Variants in CA6 observed in about 807,000 individuals in gnomAD.
The protein encoded by CA6 is carbonic anhydrase 6, also known as carbonate dehydratase VI.
A neutral mutation model predicts 35.9 loss-of-function variants in CA6; 28 were observed. The ratio of observed to expected loss-of-function variants is 0.78; its 90% confidence interval spans 0.58 to 1.07. CA6 has a LOEUF of 1.07. CA6 is among the 50% of genes least tolerant of loss of function. The pLI, the probability that CA6 is intolerant of heterozygous loss-of-function variation, is 0.00. For missense variants in CA6, 377 were observed against 382.0 expected (o/e 0.99, Z 0.11); for synonymous variants, 148 against 152.6 (o/e 0.97, Z 0.22).
intron 2 of CA6, chr1:8,951,711 CT>C (rs1217658516): frequency 7.9e-6 from 6 of 759,614 alleles, no homozygotes; most frequent in Non-Finnish European, 1.4e-5. Flanking sequence ...TAGGGCTCTG[CT>C]CAAATTTCTG....
In CA6 at chr1:8,973,766, TTC is replaced by T. The variant is rs1255268089; in HGVS notation, c.845-854_845-853del. On this transcript the variant is annotated intron_variant, in intron 7 of 7. Coordinates refer to ENST00000377443, the MANE Select transcript of CA6 (RefSeq NM_001215.4). ...TTTCTTTCTTTCTTTCTTTCTTTCT[TTC>T]TTTCTTTCTTTCTTTCTTTTCCCTC... 1.5e-3 allele frequency among the ~76,000 whole-genome samples: 32 copies of T among 21,616 alleles called. 1 individual carries two copies. Among genetic ancestry groups the T allele is most frequent in the Non-Finnish European group, 1.8e-3 (25 of 13,824 alleles). The allele number at this position is 21,616 out of a possible 152,430, so 14.2% of individuals were successfully genotyped here.
At chr1:8,962,330 C>A (rs891174875) in intron 4 of CA6, among the ~76,000 whole-genome samples, 2 of 152,036 alleles carry the variant, frequency 1.3e-5, no homozygotes, top group African/African-American at 2.4e-5. Context: ...AGGGCATCAC[C>A]AATGACTGAC....
At chr1:8,973,713 T>TCTTTCTTTCC (rs1491364705) in intron 7 of CA6, among the ~76,000 whole-genome samples, 3 of 8,214 alleles carry the variant, frequency 3.7e-4, no homozygotes, top group African/African-American at 1.7e-3. Flanking sequence ...TTTCTCTCTC[T>TCTTTCTTTCC]TTCTTTCTTT....
At chr1:8,965,695 C>T (rs541094134) in intron 5 of CA6, among the ~76,000 whole-genome samples, 8 of 152,158 alleles carry the variant, frequency 5.3e-5, no homozygotes, top group African/African-American at 1.9e-4. Context: ...TGAGATCAGC[C>T]TGGCCAACAT....
chr1:8,964,551 C>T (rs112750544), intron 5 of CA6, among the ~76,000 whole-genome samples: 4,053 of 141,464 alleles, frequency 0.029, 210 homozygotes, highest in African/African-American at 0.1. Flanking sequence ...CGGTCTGCAT[C>T]GTTGATGTCT....
At chr1:8,972,426 A>T (rs1463288238) in intron 7 of CA6, among the ~76,000 whole-genome samples, 1 of 152,160 alleles carries the variant, frequency 6.6e-6, no homozygotes, top group Non-Finnish European at 1.5e-5. Flanking sequence ...TAATCCCAGC[A>T]CTTTGGGAGG....
At position 8,957,252 on chromosome 1, in the gene CA6, G is replaced by A; in HGVS notation, c.375G>A (p.Glu125=). 1.2e-6 allele frequency: 2 copies of A among 1,614,072 alleles called. No individual in the cohort carries two copies. Among genetic ancestry groups the A allele is most frequent in the Non-Finnish European group, 1.7e-6 (2 of 1,179,968 alleles). The stretch of plus-strand genomic sequence containing the variant: ...CGTCCTCGGAGATCAGCGGCTCTGA[G>A]CACACCGTGGACGGGATCAGACATG... ...GGASSEISGS[E]HTVDGIRHVI... is the part of the protein sequence containing the mutation. The change falls in exon 3 of 8, where the codon GAG becomes GAA. Residue 125 remains glutamate (E), a synonymous_variant. Coordinates refer to ENST00000377443, the MANE Select transcript of CA6 (RefSeq NM_001215.4).
At position 8,957,263 on chromosome 1, in the gene CA6, A is replaced by T. The variant is rs775156579; in HGVS notation, c.386A>T (p.Asp129Val). The change falls in exon 3 of 8, where the codon GAC becomes GTC. Residue 129 changes from aspartate (D) to valine (V), a missense_variant. By Grantham distance (152) the Asp-to-Val change is radical (BLOSUM62 -3). Coordinates refer to ENST00000377443, the MANE Select transcript of CA6 (RefSeq NM_001215.4). The part of the protein sequence containing the change: ...SEISGSEHTV[D>V]GIRHVIEIHI... ...ATCAGCGGCTCTGAGCACACCGTGG[A>T]CGGGATCAGACATGTGATCGAGGTA... 2.5e-6 allele frequency: 4 copies of T among 1,613,486 alleles called. No homozygotes were observed. Among genetic ancestry groups the T allele is most frequent in the Non-Finnish European group, 3.4e-6 (4 of 1,179,684 alleles).
chr1:8,946,042 CTTTT>C, intron 1 of CA6, 77 bp downstream of exon 1: 12 of 676,062 alleles, frequency 1.8e-5, no homozygotes, highest in Non-Finnish European at 2.6e-5. Context: ...TCTTCTTCTT[CTTTT>C]TTTTTTTTTT....
intron 7 of CA6, among the ~76,000 whole-genome samples, chr1:8,973,784 C>CTTCTTTCT (rs1553164191): frequency 5.8e-5 from 3 of 52,054 alleles, no homozygotes; most frequent in African/African-American, 7.4e-5. Flanking sequence ...TTCTTTCTTT[C>CTTCTTTCT]TTTTCCCTCC....
intron 6 of CA6, among the ~76,000 whole-genome samples, chr1:8,970,356 G>A (rs917065477): frequency 1.3e-5 from 2 of 152,058 alleles, no homozygotes; most frequent in Admixed American, 6.6e-5. Context: ...GAGCTTGTGT[G>A]CAGATACCTG....
In CA6 at chr1:8,963,355, T is replaced by C. The variant is rs916934596; in HGVS notation, c.571+699T>C. Among the ~76,000 whole-genome samples the C allele has an allele frequency of 9.9e-5, 15 of 151,922 alleles. No individual in the cohort carries two copies. The highest frequency in any genetic ancestry group is 3.6e-4 in the African/African-American group (15 of 41,340). ...CCCAGCTTAGATTCCACCCCGATAC[T>C]CTCAAGTCTCCCTCAACACTCCCAT... On this transcript the variant is annotated intron_variant, in intron 5 of 7. Coordinates refer to ENST00000377443, the MANE Select transcript of CA6 (RefSeq NM_001215.4). This position sits in a 1 kb window ranked among gnomAD's most constrained non-coding sequence, Gnocchi z 4.1.
At chr1:8,968,194 A>G (rs112251181) in intron 6 of CA6, among the ~76,000 whole-genome samples, 8,749 of 151,998 alleles carry the variant, frequency 0.058, 533 homozygotes, top group African/African-American at 0.15. Flanking sequence ...TCAAACTCCC[A>G]GGTTCAAGCA....
intron 1 of CA6, among the ~76,000 whole-genome samples, chr1:8,947,829 T>G (rs545131608): frequency 4.2e-4 from 63 of 150,968 alleles, no homozygotes; most frequent in South Asian, 8.4e-4. Flanking sequence ...CAAAAAGCGG[T>G]GAGGGCCCTA....
chr1:8,960,789 C>T (rs1832261), intron 4 of CA6, among the ~76,000 whole-genome samples: 69,383 of 117,068 alleles, frequency 0.59, 21,615 homozygotes, highest in East Asian at 0.85. Flanking sequence ...CACACACACA[C>T]ATATATATAA....
At chr1:8,950,859 G>A (rs375971057) in intron 2 of CA6, among the ~76,000 whole-genome samples, 10 of 149,600 alleles carry the variant, frequency 6.7e-5, no homozygotes, top group African/African-American at 2.0e-4. Context: ...GAGCGAGACC[G>A]TTTCTTTAAA....
At position 8,970,838 on chromosome 1, in the gene CA6, C is replaced by T. The variant is rs535138129; in HGVS notation, c.730-29C>T. The T allele has an allele frequency of 6.6e-5, 88 of 1,325,786 alleles. No homozygotes were observed. In the South Asian group the frequency reaches 9.2e-4, roughly 14 times the overall value. 82.1% of individuals were successfully genotyped at this position (1,325,786 alleles called of 1,614,324 possible). A position where few individuals can be genotyped will look rare whatever the true frequency, so the allele number is the denominator to read the frequency against. ...TTTTAAATTACCCAGTGACTCTTCC[C>T]CTCCATAATGCACTCACGTTGCCCC... On this transcript the variant is annotated intron_variant, in intron 6 of 7. Coordinates refer to ENST00000377443, the MANE Select transcript of CA6 (RefSeq NM_001215.4).
At chr1:8,973,784 C>CTTTCTTCT (rs375258281) in intron 7 of CA6, among the ~76,000 whole-genome samples, 7 of 52,050 alleles carry the variant, frequency 1.3e-4, no homozygotes, top group African/African-American at 4.4e-4. Context: ...TTCTTTCTTT[C>CTTTCTTCT]TTTTCCCTCC....
Position 8,960,789 on chromosome 1 carries a change from C to CACACACACACACATATAT in CA6, c.501+1788_501+1789insCACACACACACATATATA, listed in dbSNP as rs59987426. On this transcript the variant is annotated intron_variant, in intron 4 of 7. Transcript: ENST00000377443. ...ACACACACACACACACACACACACA[C>CACACACACACACATATAT]ATATATATAATGGGAGTCCCAGAAG... is the stretch of plus-strand genomic sequence containing the variant. Among the ~76,000 whole-genome samples, 178 of 116,908 alleles carry CACACACACACACATATAT rather than the reference C, an allele frequency of 1.5e-3. 1 individual carries two copies. The highest frequency in any genetic ancestry group is 5.3e-3 in the African/African-American group (158 of 29,978). 76.7% of individuals were successfully genotyped at this position (116,908 alleles called of 152,430 possible).
Sources: gnomAD v4.1 joint callset for allele counts (sites outside exome capture counted in the v4.1 genomes callset) on GRCh38, gnomAD v4.1.1 for gene constraint, Gnocchi (gnomAD v3.1) non-coding constraint, MANE v1.5 for transcripts, NCBI Gene and HGNC (gene_info 2026-07-23, HGNC 2026-07-21) for gene names.